Variants in GIPR observed in about 807,000 individuals in gnomAD.
GIPR encodes GIP-R.
Under a neutral mutation model 62.2 loss-of-function variants are expected in GIPR, and 74 were observed. The ratio of observed to expected loss-of-function variants is 1.19; its 90% confidence interval spans 0.99 to 1.44. The LOEUF (loss-of-function observed/expected upper bound fraction) is 1.44, where lower values mean the gene tolerates loss of function less well. GIPR is among the 40% of genes most tolerant of loss of function. The probability of loss-of-function intolerance (pLI) is 0.00; values close to 1 mark genes in which losing one functional copy is unlikely to be tolerated. For missense variants in GIPR, 664 were observed against 611.8 expected, an observed-to-expected ratio of 1.09 and a Z score of -0.90; for synonymous variants, 256 against 262.2, an observed-to-expected ratio of 0.98 and a Z score of 0.23.
chr19:45,676,789 A>G (rs1054625488), intron 7 of GIPR, among the ~76,000 whole-genome samples, 160 bp from the exon 8 acceptor site: 1 of 152,174 alleles, frequency 6.6e-6, no homozygotes, highest in Non-Finnish European at 1.5e-5. Flanking sequence ...GAAAGGGAAT[A>G]GGGTGAGAGA....
Position 45,681,752 on chromosome 19 carries a change from C to T in GIPR, c.1218C>T (p.Gly406=), listed in dbSNP as rs1484493948. 5 of 1,608,140 alleles carry T rather than the reference C, an allele frequency of 3.1e-6. No homozygotes were observed. The highest frequency in any genetic ancestry group is 1.7e-6 in the Non-Finnish European group (2 of 1,177,284). The part of the protein sequence containing the change: ...NKEVQSEIRR[G]WHHCRLRRSL... ...AGGTGCAGTCGGAGATCCGCCGTGG[C>T]TGGCACCACTGCCGCCTGCGCCGCA... The change falls in exon 14 of 14, where the codon GGC becomes GGT. Residue 406 remains glycine, a synonymous_variant. Transcript: ENST00000590918.
In GIPR at chr19:45,669,484, C is replaced by T. The variant is rs1240294022; in HGVS notation, c.-37C>T. 6.4e-7 allele frequency: 1 copy of T among 1,554,024 alleles called. No individual in the cohort carries two copies. The highest frequency in any genetic ancestry group is 1.2e-5 in the South Asian group (1 of 84,686). ...TGCCCTGGGACCCTCCAGGCCTGAT[C>T]GCCCCTGCACGAACCAGACCCTTCG... On this transcript the variant is annotated 5_prime_UTR_variant, in exon 2 of 14. Transcript: ENST00000590918.
intron 12 of GIPR, 41 bp from the exon 13 acceptor site, chr19:45,681,563 G>GC: frequency 6.3e-7 from 1 of 1,590,040 alleles, no homozygotes; most frequent in Non-Finnish European, 8.6e-7. Context: ...TTACAGTCCT[G>GC]CCCCCACCAG....
In GIPR at chr19:45,677,011, G is replaced by C; in HGVS notation, c.696G>C (p.Thr232=). ...AGTACTGCGTGGGTGCCAACTACAC[G>C]TGGCTGCTGGTGGAGGGCGTCTACC... ...VTQYCVGANY[T]WLLVEGVYLH... is the part of the protein sequence containing the mutation. The change falls in exon 8 of 14, where the codon ACG becomes ACC. Residue 232 remains threonine (T), a synonymous_variant. Coordinates refer to ENST00000590918, the MANE Select transcript of GIPR (RefSeq NM_000164.4). The C allele has an allele frequency of 2.5e-6, 4 of 1,614,018 alleles. No homozygotes were observed. The highest frequency in any genetic ancestry group is 3.4e-6 in the Non-Finnish European group (4 of 1,179,930).
At chr19:45,670,596 G>T (rs1363994761) in intron 2 of GIPR, 39 bp from the exon 3 acceptor site, 16 of 1,419,772 alleles carry the variant, frequency 1.1e-5, no homozygotes, top group South Asian at 4.7e-5. Flanking sequence ...TGGGAGCGGG[G>T]GTCGGTCTGG....
intron 2 of GIPR, 25 bp from the exon 3 acceptor site, chr19:45,670,610 G>C (rs777719484): frequency 6.5e-7 from 1 of 1,549,880 alleles, no homozygotes; most frequent in Non-Finnish European, 8.9e-7. Context: ...GGTCTGGGGG[G>C]GTCCTCCCTT....
At position 45,678,107 on chromosome 19, in the gene GIPR, A is replaced by AC. The variant is rs760232553; in HGVS notation, c.1034dup (p.Leu346AlafsTer32). On this transcript the variant is annotated frameshift_variant, in exon 12 of 14. Transcript: ENST00000590918. LOFTEE classifies it high-confidence loss of function. ...CCCCAGGCTGGCTCGCTCCACGCTG[A>AC]CGCTGGTGCCCCTGCTGGGTGTCCA... 3.1e-6 allele frequency: 5 copies of AC among 1,612,700 alleles called. No individual in the cohort carries two copies. Among genetic ancestry groups the AC allele is most frequent in the Non-Finnish European group, 4.2e-6 (5 of 1,179,926 alleles).
intron 7 of GIPR, among the ~76,000 whole-genome samples, chr19:45,676,368 T>G (rs796422904): frequency 2.3e-4 from 35 of 151,830 alleles, no homozygotes; most frequent in African/African-American, 8.0e-4. Context: ...ACCAATTATT[T>G]TTTGTTTTGT....
At position 45,677,244 on chromosome 19, in the gene GIPR, C is replaced by T. The variant is rs888668418; in HGVS notation, c.794-79C>T. ...TCCCCACCCCGACAGAGGAATTCCGCGGGTCTTGGGCCTGGCGGGGCCCGT... is the reference window on the plus strand; with the variant it reads ...TCCCCACCCCGACAGAGGAATTCCGTGGGTCTTGGGCCTGGCGGGGCCCGT... On this transcript the variant is annotated intron_variant, in intron 8 of 13. Transcript: ENST00000590918. 6.2e-6 allele frequency: 8 copies of T among 1,289,242 alleles called. No individual in the cohort carries two copies. The African/African-American group carries it at 1.0e-4, about 17-fold the overall frequency. The allele number at this position is 1,289,242 out of a possible 1,614,324, so 79.9% of individuals were successfully genotyped here.
At chr19:45,673,020 A>C in intron 5 of GIPR, 66 bp downstream of exon 5, 5 of 946,948 alleles carry the variant, frequency 5.3e-6, no homozygotes, top group Non-Finnish European at 7.0e-6. Flanking sequence ...AGATTCAGGC[A>C]GGGCCTGAAA....
intron 5 of GIPR, 97 bp from the exon 6 acceptor site, chr19:45,673,977 T>C (rs55669001): frequency 0.13 from 101,620 of 801,914 alleles, 9,892 homozygotes; most frequent in East Asian, 0.5. Context: ...AAATAGGGTA[T>C]TTGGGCAGAA....
chr19:45,681,785 C>T lies in GIPR; in HGVS notation c.1251C>T (p.Gly417=). The T allele has an allele frequency of 1.3e-6, 2 of 1,593,014 alleles. No individual in the cohort carries two copies. The highest frequency in any genetic ancestry group is 1.7e-6 in the Non-Finnish European group (2 of 1,169,534). The change falls in exon 14 of 14, where the codon GGC becomes GGT. Residue 417 remains glycine (G), a synonymous_variant. Transcript: ENST00000590918. ...ACTGCCGCCTGCGCCGCAGCCTGGG[C>T]GAGGAGCAACGCCAGCTCCCGGAGC... ...WHHCRLRRSL[G]EEQRQLPERA...
chr19:45,673,725 A>G (rs941269503), intron 5 of GIPR, among the ~76,000 whole-genome samples: 8 of 152,264 alleles, frequency 5.3e-5, no homozygotes, highest in African/African-American at 1.7e-4. Flanking sequence ...TTAGCTGGGC[A>G]TGGTGGCACG....
At chr19:45,677,267 C>T in intron 8 of GIPR, 56 bp from the exon 9 acceptor site, 2 of 1,294,380 alleles carry the variant, frequency 1.5e-6, no homozygotes, top group Non-Finnish European at 1.1e-6. Flanking sequence ...TGGCGGGGCC[C>T]GTGAGCGCGC....
At chr19:45,676,201 TAAA>T (rs34622373) in intron 7 of GIPR, among the ~76,000 whole-genome samples, 99 of 114,520 alleles carry the variant, frequency 8.6e-4, no homozygotes, top group South Asian at 6.7e-3. Context: ...AGGCTCCGTC[TAAA>T]AAAAAAAAAA....
rs1975413597 is a variant in GIPR, at chr19:45,669,297, G to A, written c.-44-180G>A. Among the ~76,000 whole-genome samples the A allele has an allele frequency of 2.6e-5, 4 of 152,304 alleles. No individual in the cohort carries two copies. The South Asian group carries it at 8.3e-4, about 32-fold the overall frequency. On this transcript the variant is annotated intron_variant, in intron 1 of 13. Coordinates refer to ENST00000590918, the MANE Select transcript of GIPR (RefSeq NM_000164.4). ...CACCGGAGTTCCACCCACTCCGCGTGCCTCTCCCTCCCCCCAGATCATCAC... is the reference window on the plus strand; with the variant it reads ...CACCGGAGTTCCACCCACTCCGCGTACCTCTCCCTCCCCCCAGATCATCAC...
chr19:45,672,340 G>A (rs577524348), intron 4 of GIPR, among the ~76,000 whole-genome samples: 10 of 151,924 alleles, frequency 6.6e-5, no homozygotes, highest in African/African-American at 2.2e-4. Context: ...ACAGAGTCTC[G>A]CTTTGTTGCA....
rs955853057 is a variant in GIPR at position 45,683,396 on chromosome 19, T to C, written c.*1461T>C. The C allele has an allele frequency of 1.3e-5, 2 of 152,060 alleles. No homozygotes were observed. The highest frequency in any genetic ancestry group is 4.8e-5 in the African/African-American group (2 of 41,382). 9.4% of individuals were successfully genotyped at this position (152,060 alleles called of 1,614,324 possible). On this transcript the variant is annotated 3_prime_UTR_variant, in exon 14 of 14. Coordinates refer to ENST00000590918, the MANE Select transcript of GIPR (RefSeq NM_000164.4). ...GGAGTGAGGACGCATATCCCCACTG[T>C]CCTTAGATGGGTGGCCCCTGGAACC...
intron 12 of GIPR, chr19:45,678,457 G>A (rs542092505): frequency 6.3e-5 from 37 of 583,372 alleles, no homozygotes; most frequent in Non-Finnish European, 1.0e-4. Context: ...TCTGACTCCC[G>A]GGTTCAAGCG....
Sources: gnomAD v4.1 joint callset for allele counts (sites outside exome capture counted in the v4.1 genomes callset) on GRCh38, gnomAD v4.1.1 for gene constraint, MANE v1.5 for transcripts, NCBI Gene and HGNC (gene_info 2026-07-23, HGNC 2026-07-21) for gene names.